The following SIPA1L2 variants were observed in gnomAD, a reference collection of about 807,000 sequenced individuals.
SIPA1L2 encodes the protein signal induced proliferation associated 1 like 2, also known as signal-induced proliferation-associated 1-like protein 2.
SIPA1L2 carries 56 observed loss-of-function variants against 163.9 expected under a neutral mutation model. The ratio of observed to expected loss-of-function variants is 0.34; its 90% CI spans 0.28 to 0.43. The LOEUF (loss-of-function observed/expected upper bound fraction) is 0.43, where lower values mean the gene tolerates loss of function less well. SIPA1L2 is among the 20% of genes least tolerant of loss of function. The pLI is 1.00. For synonymous variants in SIPA1L2, 877 were observed against 865.7 expected (o/e 1.01, Z -0.23); for missense variants, 1,974 against 2,193.5 (o/e 0.90, Z 2.00).
chr1:232,472,274 A>G (rs1664838683), intron 7 of SIPA1L2, among the ~76,000 whole-genome samples: 1 of 152,178 alleles, frequency 6.6e-6, no homozygotes. Context: ...CATCTGAAAG[A>G]AACTTCCTAT....
intron 3 of SIPA1L2, among the ~76,000 whole-genome samples, chr1:232,495,926 G>C (rs1225438367): frequency 6.6e-6 from 1 of 152,166 alleles, no homozygotes; most frequent in Non-Finnish European, 1.5e-5. Flanking sequence ...TGTGCATTAA[G>C]CTAAATGTTA....
At position 232,479,704 on chromosome 1, in the gene SIPA1L2, A is replaced by T. The variant is rs764232528; in HGVS notation, c.2008T>A (p.Tyr670Asn). The change falls in exon 7 of 23, where the codon TAT becomes AAT. Residue 670 changes from tyrosine to asparagine, a missense_variant. Physicochemically the swap from Tyr to Asn is moderately radical, Grantham distance 143. Around this residue, in one of 3 missense-constraint regions of SIPA1L2, gnomAD observed 288 missense variants for 418.9 expected, o/e 0.69. Coordinates refer to ENST00000674635, the MANE Select transcript of SIPA1L2 (RefSeq NM_020808.5). ...AGTTCGTAGTCTTTGTATGTGGTAT[A>T]GAGAGAGTGCGTGCCCGTGGAATCA... The part of the protein sequence containing the change: ...KTDSTGTHSL[Y>N]TTYKDYELMF... 1 of 1,613,750 alleles carries T rather than the reference A, an allele frequency of 6.2e-7. No homozygotes were observed. Among genetic ancestry groups the T allele is most frequent in the Non-Finnish European group, 8.5e-7 (1 of 1,179,730 alleles).
At chr1:232,535,072 A>G (rs922470211) in intron 2 of SIPA1L2, among the ~76,000 whole-genome samples, 3 of 152,204 alleles carry the variant, frequency 2.0e-5, no homozygotes, top group Non-Finnish European at 4.4e-5. Context: ...TTGATCCTAC[A>G]GTAATGTACA....
At position 232,490,165 on chromosome 1, in the gene SIPA1L2, T is replaced by G. The variant is rs554673163; in HGVS notation, c.1806+709A>C. Among the ~76,000 whole-genome samples, 19 of 152,232 alleles carry G rather than the reference T, an allele frequency of 1.2e-4. No homozygotes were observed. The South Asian group carries it at 3.9e-3, about 32-fold the overall frequency. Reference sequence around the variant, plus strand: ...CTCATTTGTTCTAGTCTCGTCTTACTTCCCCTACCCCACCCCACCTCACCA... The same window carrying G: ...CTCATTTGTTCTAGTCTCGTCTTACGTCCCCTACCCCACCCCACCTCACCA... On this transcript the variant is annotated intron_variant, in intron 5 of 22. Coordinates refer to ENST00000674635, the MANE Select transcript of SIPA1L2 (RefSeq NM_020808.5).
intron 20 of SIPA1L2, 64 bp downstream of exon 20, chr1:232,404,061 C>T: frequency 6.3e-7 from 1 of 1,575,440 alleles, no homozygotes; most frequent in South Asian, 1.1e-5. Context: ...GACGTGCAGA[C>T]ACATGAAATA....
At chr1:232,510,486 A>C (rs1301056512) in intron 3 of SIPA1L2, among the ~76,000 whole-genome samples, 1 of 152,188 alleles carries the variant, frequency 6.6e-6, no homozygotes, top group Admixed American at 6.5e-5. Context: ...CAATTCACTG[A>C]CAGGGTGTCT....
At chr1:232,399,475 C>T (rs755642257) in intron 22 of SIPA1L2, among the ~76,000 whole-genome samples, 3 of 151,818 alleles carry the variant, frequency 2.0e-5, no homozygotes, top group Non-Finnish European at 2.9e-5. Context: ...CTCCACACAC[C>T]CTGTTCTTTC....
intron 1 of SIPA1L2, among the ~76,000 whole-genome samples, chr1:232,584,660 A>G (rs201031244): frequency 1.3e-5 from 2 of 151,788 alleles, no homozygotes; most frequent in East Asian, 1.9e-4. Context: ...TTTTCAGTGA[A>G]CCTTTCAGAG....
At chr1:232,517,716 GA>G (rs1170235422) in intron 2 of SIPA1L2, among the ~76,000 whole-genome samples, 1 of 152,050 alleles carries the variant, frequency 6.6e-6, no homozygotes, top group African/African-American at 2.4e-5. Context: ...CATATCTTGT[GA>G]AAAAATGGAA....
At chr1:232,612,512 T>G (rs1022775677) in intron 1 of SIPA1L2, among the ~76,000 whole-genome samples, 7 of 152,204 alleles carry the variant, frequency 4.6e-5, no homozygotes. Context: ...CAGCATGACC[T>G]GGATGTGAGA....
At chr1:232,569,674 G>T (rs1474765479) in intron 2 of SIPA1L2, among the ~76,000 whole-genome samples, 4 of 152,170 alleles carry the variant, frequency 2.6e-5, no homozygotes, top group Non-Finnish European at 5.9e-5. Flanking sequence ...TTAGCTGGGC[G>T]TGGTGGCGCA....
intron 18 of SIPA1L2, among the ~76,000 whole-genome samples, chr1:232,420,745 G>C (rs867384993): frequency 4.6e-5 from 7 of 152,204 alleles, no homozygotes; most frequent in Admixed American, 3.3e-4. Context: ...TGAGGCAGGA[G>C]AATGGCGTGA....
chr1:232,459,321 A>G (rs1209039061), intron 10 of SIPA1L2, among the ~76,000 whole-genome samples: 1 of 152,152 alleles, frequency 6.6e-6, no homozygotes, highest in Admixed American at 6.5e-5. Context: ...TCTGAACGGT[A>G]CAGACACAGA....
At chr1:232,576,329 G>A (rs775663557) in intron 1 of SIPA1L2, among the ~76,000 whole-genome samples, 1 of 152,144 alleles carries the variant, frequency 6.6e-6, no homozygotes, top group Non-Finnish European at 1.5e-5. Context: ...TTCGAACTTC[G>A]TCATTACTTT....
chr1:232,471,233 A>T (rs1664781147), intron 8 of SIPA1L2, 138 bp downstream of exon 8: 2 of 934,704 alleles, frequency 2.1e-6, no homozygotes, highest in East Asian at 2.6e-5. Flanking sequence ...GAAGGCAATT[A>T]TTTCTTACAG....
chr1:232,590,632 T>C (rs6667497), intron 1 of SIPA1L2, among the ~76,000 whole-genome samples: 41,105 of 152,132 alleles, frequency 0.27, 5,725 homozygotes, highest in African/African-American at 0.32. Context: ...GCACATGGCA[T>C]TGGGCCTCGC....
intron 3 of SIPA1L2, among the ~76,000 whole-genome samples, chr1:232,505,229 A>T (rs1226810313): frequency 6.6e-6 from 1 of 152,210 alleles, no homozygotes; most frequent in African/African-American, 2.4e-5. Flanking sequence ...GAGCCCACTG[A>T]TAACGGGATG....
At chr1:232,500,150 C>CA (rs1666391956) in intron 3 of SIPA1L2, among the ~76,000 whole-genome samples, 1 of 152,112 alleles carries the variant, frequency 6.6e-6, no homozygotes. Context: ...AGTTCTGAGA[C>CA]AAAAAACATT....
At chr1:232,603,641 G>A (rs1455325686) in intron 1 of SIPA1L2, among the ~76,000 whole-genome samples, 1 of 152,056 alleles carries the variant, frequency 6.6e-6, no homozygotes, top group Admixed American at 6.6e-5. Context: ...GACTGGGGCA[G>A]CACCAGCAGG....
Sources: allele counts gnomAD v4.1 joint callset (sites outside exome capture counted in the v4.1 genomes callset), GRCh38; gene constraint gnomAD v4.1.1; regional missense constraint gnomAD v4.1.1; transcripts MANE v1.5; gene names NCBI Gene and HGNC (gene_info 2026-07-23, HGNC 2026-07-21).